Variants in PIGL observed in about 807,000 individuals in gnomAD.
PIGL encodes N-acetylglucosaminyl-phosphatidylinositol de-N-acetylase.
PIGL carries 22 observed loss-of-function variants against 31.1 expected under a neutral mutation model. That is an observed-to-expected ratio of 0.71 (90% confidence interval 0.51 to 1.01). The LOEUF (loss-of-function observed/expected upper bound fraction) is 1.01, where lower values mean the gene tolerates loss of function less well. PIGL is among the 50% of genes least tolerant of loss of function. PIGL has a pLI of 0.00. For synonymous variants in PIGL, 131 were observed against 117.4 expected, an observed-to-expected ratio of 1.12 and a Z score of -0.75; for missense variants, 302 against 315.9, an observed-to-expected ratio of 0.96 and a Z score of 0.33.
chr17:16,238,183 G>A (rs1259692778), intron 2 of PIGL, among the ~76,000 whole-genome samples: 1 of 138,944 alleles, frequency 7.2e-6, no homozygotes, highest in Non-Finnish European at 1.5e-5. Flanking sequence ...GTGACAGGAT[G>A]AGACTCCGTC....
intron 2 of PIGL, among the ~76,000 whole-genome samples, chr17:16,266,466 C>G (rs180797536): frequency 2.0e-5 from 3 of 151,346 alleles, no homozygotes; most frequent in Admixed American, 2.0e-4. Flanking sequence ...TCTTGGGCAA[C>G]TGAAATCATG....
chr17:16,232,659 A>G (rs1244334357), intron 1 of PIGL, among the ~76,000 whole-genome samples: 1 of 152,120 alleles, frequency 6.6e-6, no homozygotes, highest in Non-Finnish European at 1.5e-5. Flanking sequence ...ACTAATGTAC[A>G]TGAGACTATT....
intron 1 of PIGL, among the ~76,000 whole-genome samples, chr17:16,219,191 C>T (rs1255687116): frequency 6.6e-6 from 1 of 151,042 alleles, no homozygotes; most frequent in Admixed American, 6.6e-5. Context: ...GGACTACAGG[C>T]GCCCGCCCGC....
chr17:16,320,272 AGAGGG>A (rs1214014238), intron 6 of PIGL, among the ~76,000 whole-genome samples: 20 of 68,522 alleles, frequency 2.9e-4, no homozygotes, highest in Non-Finnish European at 4.4e-4. Flanking sequence ...GAAGGGGAGG[AGAGGG>A]GAGGGGAGGG....
rs528713651 is a variant in PIGL, at chr17:16,256,017, G to T, written c.335+21947G>T. Among the ~76,000 whole-genome samples, 34 of 152,032 alleles carry T rather than the reference G, an allele frequency of 2.2e-4. No homozygotes were observed. The South Asian group carries it at 7.0e-3, about 32-fold the overall frequency. ...TGAGCCTTCAAGTAATATGACTAGG[G>T]AAGTCAAGTACAAAAAAAAAAGTGA... On this transcript the variant is annotated intron_variant, in intron 2 of 6. Coordinates refer to ENST00000225609, the MANE Select transcript of PIGL (RefSeq NM_004278.4).
intron 2 of PIGL, among the ~76,000 whole-genome samples, chr17:16,296,866 G>A (rs1265344959): frequency 6.6e-6 from 1 of 151,294 alleles, no homozygotes; most frequent in Non-Finnish European, 1.5e-5. Context: ...ACAGGCGCCC[G>A]CCACCACGCC....
Position 16,251,958 on chromosome 17 carries a change from GTTGCT to G in PIGL, c.335+17891_335+17895del, listed in dbSNP as rs143312737. ...CAGCCAACAGATTTGGTATTCATTT[GTTGCT>G]TTTGTGCTTCTTAACATATTATGAA... On this transcript the variant is annotated intron_variant, in intron 2 of 6. Coordinates refer to ENST00000225609, the MANE Select transcript of PIGL (RefSeq NM_004278.4). Among the ~76,000 whole-genome samples, 620 of 151,592 alleles carry G rather than the reference GTTGCT, an allele frequency of 4.1e-3. 6 individuals carry two copies. Among genetic ancestry groups the G allele is most frequent in the African/African-American group, 0.015 (599 of 41,198 alleles).
At chr17:16,244,129 C>T (rs2092734688) in intron 2 of PIGL, among the ~76,000 whole-genome samples, 1 of 152,144 alleles carries the variant, frequency 6.6e-6, no homozygotes, top group South Asian at 2.1e-4. Flanking sequence ...CTGATCTTAG[C>T]AGTTTAGGGA....
intron 1 of PIGL, among the ~76,000 whole-genome samples, chr17:16,228,757 A>G (rs2092665271): frequency 6.6e-6 from 1 of 152,170 alleles, no homozygotes; most frequent in Non-Finnish European, 1.5e-5. Flanking sequence ...AACCATCACC[A>G]CTATTTCATC....
intron 2 of PIGL, among the ~76,000 whole-genome samples, chr17:16,252,654 C>T (rs2092777650): frequency 6.6e-6 from 1 of 151,662 alleles, no homozygotes; most frequent in Non-Finnish European, 1.5e-5. Context: ...TAAAACTTTC[C>T]TCCCTCTCTA....
chr17:16,264,602 T>C (rs548546902), intron 2 of PIGL, among the ~76,000 whole-genome samples: 22 of 1,448 alleles, frequency 0.015, no homozygotes, highest in African/African-American at 0.018. Flanking sequence ...ACATCGTCAT[T>C]ATTATTATTA....
intron 2 of PIGL, among the ~76,000 whole-genome samples, chr17:16,274,498 G>C (rs1373776088): frequency 6.6e-6 from 1 of 152,080 alleles, no homozygotes; most frequent in East Asian, 1.9e-4. Context: ...CGAGGCGGGT[G>C]GATCACCTGA....
intron 1 of PIGL, among the ~76,000 whole-genome samples, chr17:16,227,578 CT>C (rs57452229): frequency 1.1e-3 from 115 of 103,166 alleles, no homozygotes; most frequent in African/African-American, 2.8e-3. Context: ...ATTTTCTTTT[CT>C]TTTTTTTTTT....
At chr17:16,268,411 A>G (rs573603616) in intron 2 of PIGL, among the ~76,000 whole-genome samples, 5 of 152,254 alleles carry the variant, frequency 3.3e-5, no homozygotes, top group African/African-American at 1.2e-4. Context: ...AATAATTATC[A>G]TAGCTGACAT....
At chr17:16,321,396 A>G (rs1175375349) in intron 6 of PIGL, among the ~76,000 whole-genome samples, 2 of 151,978 alleles carry the variant, frequency 1.3e-5, no homozygotes, top group Non-Finnish European at 2.9e-5. Flanking sequence ...ATGGGCCACC[A>G]TGCCCAGCTA....
intron 3 of PIGL, among the ~76,000 whole-genome samples, chr17:16,305,405 T>C (rs75002035): frequency 0.049 from 7,435 of 152,280 alleles, 228 homozygotes; most frequent in African/African-American, 0.089. Context: ...TACCTATTTA[T>C]TGGGGTCTGG....
chr17:16,243,144 G>A (rs193129827), intron 2 of PIGL, among the ~76,000 whole-genome samples: 3 of 152,184 alleles, frequency 2.0e-5, no homozygotes, highest in East Asian at 1.9e-4. Context: ...TCCACCTCTC[G>A]GGTTCAAGCA....
chr17:16,309,533 C>T (rs2093039567), intron 3 of PIGL, among the ~76,000 whole-genome samples: 1 of 151,254 alleles, frequency 6.6e-6, no homozygotes, highest in African/African-American at 2.4e-5. Context: ...GAGGCCAAGG[C>T]GGGTGGATCA....
At chr17:16,267,293 T>A (rs1195601116) in intron 2 of PIGL, among the ~76,000 whole-genome samples, 1 of 152,136 alleles carries the variant, frequency 6.6e-6, no homozygotes, top group East Asian at 1.9e-4. Context: ...AAGGTCTTCA[T>A]CCCTGTCTTC....
Sources: allele counts gnomAD v4.1 joint callset (sites outside exome capture counted in the v4.1 genomes callset), GRCh38; gene constraint gnomAD v4.1.1; transcripts MANE v1.5; gene names NCBI Gene and HGNC (gene_info 2026-07-23, HGNC 2026-07-21).